The following RALGPS1 variants were observed in gnomAD, a reference collection of about 807,000 sequenced individuals.
RALGPS1 encodes the protein Ral GEF with PH domain and SH3 binding motif 1.
A neutral mutation model predicts 78.8 loss-of-function variants in RALGPS1; 19 were observed. The ratio of observed to expected loss-of-function variants is 0.24; its 90% CI spans 0.17 to 0.35. The LOEUF is 0.35. Among genes scored for constraint, RALGPS1 ranks in the 10% least tolerant of loss-of-function variants. The pLI, the probability that RALGPS1 is intolerant of heterozygous loss-of-function variation, is 1.00. For missense variants in RALGPS1, 454 were observed against 688.3 expected, an observed-to-expected ratio of 0.66 and a Z score of 3.81; for synonymous variants, 228 against 256.3, an observed-to-expected ratio of 0.89 and a Z score of 1.06.
chr9:127,104,228 G>T (rs1249562946), intron 8 of RALGPS1, among the ~76,000 whole-genome samples: 2 of 152,222 alleles, frequency 1.3e-5, no homozygotes, highest in Non-Finnish European at 2.9e-5. Flanking sequence ...TTAAAGATTA[G>T]TTTCTGACAA....
intron 1 of RALGPS1, among the ~76,000 whole-genome samples, chr9:126,937,389 A>G (rs2036363456): frequency 6.6e-6 from 1 of 152,230 alleles, no homozygotes; most frequent in Non-Finnish European, 1.5e-5. Context: ...ATGGCCACAT[A>G]GCTATTCATT....
chr9:127,085,316 G>T (rs569565786), intron 8 of RALGPS1, among the ~76,000 whole-genome samples: 9 of 152,192 alleles, frequency 5.9e-5, no homozygotes, highest in African/African-American at 2.2e-4. Flanking sequence ...CCACCATGGC[G>T]AACTTAGTAA....
At chr9:126,939,980 C>G (rs1013278999) in intron 1 of RALGPS1, among the ~76,000 whole-genome samples, 4 of 152,126 alleles carry the variant, frequency 2.6e-5, no homozygotes, top group South Asian at 2.1e-4. Flanking sequence ...TGGGCTTCAG[C>G]GAGGAGGTAC....
chr9:127,177,992 T>G (rs1033600320), intron 11 of RALGPS1: 11 of 1,541,018 alleles, frequency 7.1e-6, no homozygotes, highest in Non-Finnish European at 7.9e-6. Flanking sequence ...ATGAAGAGAC[T>G]TTAATGAACA....
At chr9:127,078,910 T>G (rs1261339777) in intron 8 of RALGPS1, among the ~76,000 whole-genome samples, 1 of 152,234 alleles carries the variant, frequency 6.6e-6, no homozygotes, top group African/African-American at 2.4e-5. Context: ...TTATCTCATT[T>G]AATCCTCTCA....
Position 127,020,946 on chromosome 9 carries a change from G to A in RALGPS1, c.217-13485G>A, listed in dbSNP as rs191119963. Among the ~76,000 whole-genome samples, 863 of 152,310 alleles carry A rather than the reference G, an allele frequency of 5.7e-3. 2 individuals carry two copies. The highest frequency in any genetic ancestry group is 8.4e-3 in the Non-Finnish European group (569 of 68,032). On this transcript the variant is annotated intron_variant, in intron 4 of 18. Transcript: ENST00000259351. ...CATAGGGGTGTTGTGAGAATTCAGG[G>A]AGCAATGGATAAATATATGTAAAAT...
rs1403746693 is a variant in RALGPS1, at chr9:127,212,402, A to G, written c.1353+166A>G. Among the ~76,000 whole-genome samples the G allele has an allele frequency of 6.6e-6, 1 of 152,168 alleles. No homozygotes were observed. Among genetic ancestry groups the G allele is most frequent in the Admixed American group, 6.5e-5 (1 of 15,284 alleles). On this transcript the variant is annotated intron_variant, in intron 15 of 18. Transcript: ENST00000259351. This position sits in a 1 kb window ranked among gnomAD's most constrained non-coding sequence, Gnocchi z 6.0. The stretch of plus-strand genomic sequence containing the variant: ...GAATTATACCTGACACTGCCGTAAA[A>G]TGAACAAAGGGAAGGCTCCTTGAGT...
chr9:127,161,284 G>C (rs1355872038), intron 8 of RALGPS1, among the ~76,000 whole-genome samples: 1 of 152,240 alleles, frequency 6.6e-6, no homozygotes, highest in African/African-American at 2.4e-5. Context: ...AATAGGGCCA[G>C]CCGTAAGGTC....
intron 4 of RALGPS1, among the ~76,000 whole-genome samples, chr9:127,010,873 G>A (rs1226048929): frequency 6.6e-6 from 1 of 152,214 alleles, no homozygotes; most frequent in African/African-American, 2.4e-5. Flanking sequence ...TTATGAGAGA[G>A]CTCATTCTAC....
intron 8 of RALGPS1, among the ~76,000 whole-genome samples, chr9:127,098,628 C>A (rs1393798093): frequency 6.6e-6 from 1 of 152,162 alleles, no homozygotes; most frequent in Non-Finnish European, 1.5e-5. Flanking sequence ...CACTGCCATA[C>A]CCTGGTAAGT....
intron 14 of RALGPS1, among the ~76,000 whole-genome samples, chr9:127,199,998 G>T (rs1352557602): frequency 6.6e-6 from 1 of 152,054 alleles, no homozygotes; most frequent in Non-Finnish European, 1.5e-5. Flanking sequence ...ACCTATGCTT[G>T]CAGTGTCACG....
At chr9:127,022,746 G>A (rs577486256) in intron 4 of RALGPS1, among the ~76,000 whole-genome samples, 1 of 152,268 alleles carries the variant, frequency 6.6e-6, no homozygotes, top group Admixed American at 6.5e-5. Context: ...TACCTGCAGA[G>A]CATGCTCCTT....
At chr9:127,072,893 A>G (rs1041307414) in intron 8 of RALGPS1, among the ~76,000 whole-genome samples, 1 of 152,172 alleles carries the variant, frequency 6.6e-6, no homozygotes, top group Non-Finnish European at 1.5e-5. Context: ...TCTGATATTA[A>G]TTGTGTGACA....
At chr9:127,125,640 C>G (rs2056560550) in intron 8 of RALGPS1, among the ~76,000 whole-genome samples, 2 of 152,310 alleles carry the variant, frequency 1.3e-5, no homozygotes, top group South Asian at 4.1e-4. Context: ...CCACCCTGAT[C>G]CTCTCCAGCA....
chr9:127,197,085 A>G (rs2061387639), intron 13 of RALGPS1, among the ~76,000 whole-genome samples: 1 of 152,146 alleles, frequency 6.6e-6, no homozygotes, highest in Admixed American at 6.5e-5. Flanking sequence ...TCACAATGGG[A>G]AGCTAGAAGG....
intron 11 of RALGPS1, among the ~76,000 whole-genome samples, chr9:127,193,512 C>T (rs763356041): frequency 1.6e-4 from 25 of 152,168 alleles, no homozygotes; most frequent in Non-Finnish European, 3.1e-4. Context: ...TCAGCCAGCA[C>T]AGGAGCTCAG....
At chr9:126,923,465 T>A (rs573942068) in intron 1 of RALGPS1, among the ~76,000 whole-genome samples, 2 of 152,274 alleles carry the variant, frequency 1.3e-5, no homozygotes, top group Non-Finnish European at 2.9e-5. Context: ...AAAAGGTACT[T>A]ATAATAGTTT....
At chr9:127,104,032 C>G (rs2053989825) in intron 8 of RALGPS1, among the ~76,000 whole-genome samples, 1 of 152,218 alleles carries the variant, frequency 6.6e-6, no homozygotes, top group African/African-American at 2.4e-5. Context: ...GGGTCGATCT[C>G]TGCTCTGCCA....
At chr9:127,058,939 A>G (rs2048971803) in intron 7 of RALGPS1, among the ~76,000 whole-genome samples, 1 of 152,186 alleles carries the variant, frequency 6.6e-6, no homozygotes, top group South Asian at 2.1e-4. Context: ...GCAGGCAGGA[A>G]ATCATAGCTG....
Sources: allele counts gnomAD v4.1 joint callset (sites outside exome capture counted in the v4.1 genomes callset), GRCh38; gene constraint gnomAD v4.1.1; non-coding constraint Gnocchi (gnomAD v3.1); transcripts MANE v1.5; gene names NCBI Gene and HGNC (gene_info 2026-07-23, HGNC 2026-07-21).